The following ZNF331 variants were observed in gnomAD, a reference collection of about 807,000 sequenced individuals.
ZNF331 encodes zinc finger protein 331, also known as C2H2-like zinc finger protein rearranged in thyroid adenomas.
In ZNF331, 2 loss-of-function variants were observed where a neutral mutation model predicts 7.0. The ratio of observed to expected loss-of-function variants is 0.29; its 90% CI spans 0.12 to 0.90. The LOEUF (loss-of-function observed/expected upper bound fraction) is 0.90, where lower values mean the gene tolerates loss of function less well. Among genes scored for constraint, ZNF331 ranks in the 40% least tolerant of loss-of-function variants. The probability of loss-of-function intolerance (pLI) is 0.58; values close to 1 mark genes in which losing one functional copy is unlikely to be tolerated. For missense variants in ZNF331, 432 were observed against 587.7 expected (o/e 0.74, Z 2.74); for synonymous variants, 196 against 205.4 (o/e 0.95, Z 0.39).
At chr19:53,572,361 A>C (rs367588855) in intron 5 of ZNF331, among the ~76,000 whole-genome samples, 1 of 151,784 alleles carries the variant, frequency 6.6e-6, no homozygotes, top group Non-Finnish European at 1.5e-5. Flanking sequence ...GTCTGTGGTG[A>C]CCCTGCCTGT....
intron 5 of ZNF331, among the ~76,000 whole-genome samples, chr19:53,574,271 T>C (rs966454863): frequency 2.0e-5 from 3 of 151,838 alleles, no homozygotes; most frequent in African/African-American, 2.4e-5. Flanking sequence ...AGAGCCTTGA[T>C]GGTTGTGAGG....
chr19:53,532,136 C>T (rs1279010501), intron 2 of ZNF331, among the ~76,000 whole-genome samples: 2 of 152,164 alleles, frequency 1.3e-5, no homozygotes, highest in Non-Finnish European at 2.9e-5. Context: ...TAACATCTCT[C>T]AGCAATTTTC....
chr19:53,506,474 CTCTCTCTG>C, the ZNF331 span, among the ~76,000 whole-genome samples: 3 of 143,728 alleles, frequency 2.1e-5, no homozygotes, highest in Non-Finnish European at 3.0e-5. Flanking sequence ...CTCTCTCTCT[CTCTCTCTG>C]TCTGTCTCTC....
Position 53,571,417 on chromosome 19 carries a change from TCTTCAGTGA to T in ZNF331, c.10-185_10-177del, listed in dbSNP as rs1217501445. Reference sequence around the variant, plus strand: ...GTCATTTTCTCTGCAGCGGTAGAGCTCTTCAGTGACATGCAGGCATTCTGCTTCCGTCAC... The same window carrying T: ...GTCATTTTCTCTGCAGCGGTAGAGCTCATGCAGGCATTCTGCTTCCGTCAC... On this transcript the variant is annotated intron_variant, in intron 4 of 5. Transcript: ENST00000449416. The surrounding 1 kb of genome is among the most constrained non-coding windows in gnomAD (Gnocchi z 4.7). Among the ~76,000 whole-genome samples, 2 of 152,128 alleles carry T rather than the reference TCTTCAGTGA, an allele frequency of 1.3e-5. No individual in the cohort carries two copies. The highest frequency in any genetic ancestry group is 1.3e-4 in the Admixed American group (2 of 15,264).
chr19:53,517,518 G>T (rs760161497), upstream of ZNF331, among the ~76,000 whole-genome samples: 6 of 152,140 alleles, frequency 3.9e-5, no homozygotes, highest in Non-Finnish European at 7.3e-5. Context: ...TGCTGCCAAA[G>T]TTTCTACCCA....
intron 2 of ZNF331, among the ~76,000 whole-genome samples, chr19:53,546,522 G>C (rs982034448): frequency 2.7e-5 from 4 of 149,610 alleles, no homozygotes; most frequent in African/African-American, 7.4e-5. Flanking sequence ...AAGATCTGAT[G>C]GTATAGAAAA....
upstream of ZNF331, among the ~76,000 whole-genome samples, chr19:53,536,664 C>G (rs974863836): frequency 1.3e-5 from 2 of 152,218 alleles, no homozygotes; most frequent in African/African-American, 2.4e-5. Flanking sequence ...CTTTGTGAGG[C>G]CGAGGCAGGC....
Position 53,539,915 on chromosome 19 carries a change from G to A in ZNF331, c.-138+633G>A, listed in dbSNP as rs1418590814. Among the ~76,000 whole-genome samples the A allele has an allele frequency of 1.3e-5, 2 of 152,138 alleles. No homozygotes were observed. Among genetic ancestry groups the A allele is most frequent in the East Asian group, 3.8e-4 (2 of 5,196 alleles). On this transcript the variant is annotated intron_variant, in intron 2 of 5. Transcript: ENST00000449416. The surrounding 1 kb of genome is among the most constrained non-coding windows in gnomAD (Gnocchi z 6.1). ...ATACTCTGCAGCTACAAAGAAGTAA[G>A]TTTAGTTATAACCGTAAGAAAGAAA...
At chr19:53,527,110 AC>A (rs1348867637) in intron 2 of ZNF331, among the ~76,000 whole-genome samples, 2 of 151,560 alleles carry the variant, frequency 1.3e-5, no homozygotes, top group Admixed American at 1.3e-4. Flanking sequence ...AATCACTTGA[AC>A]CCGGGAGTTG....
the ZNF331 span, among the ~76,000 whole-genome samples, chr19:53,509,981 A>C: frequency 1.3e-3 from 197 of 152,308 alleles, 1 homozygote; most frequent in African/African-American, 4.6e-3. Context: ...TCTCGTGAGA[A>C]CGCACTATCA....
intron 3 of ZNF331, among the ~76,000 whole-genome samples, chr19:53,564,546 G>A (rs969144018): frequency 2.0e-5 from 3 of 152,138 alleles, no homozygotes; most frequent in African/African-American, 7.2e-5. Context: ...CTCCCAAAGC[G>A]CTGGGATTAC....
At position 53,576,960 on chromosome 19, in the gene ZNF331, A is replaced by G. The variant is rs765129221; in HGVS notation, c.400A>G (p.Lys134Glu). The change falls in exon 6 of 6, where the codon AAG becomes GAG. Residue 134 changes from lysine (K) to glutamate (E), a missense_variant. Lys to Glu is a moderately conservative substitution (Grantham distance 56). Transcript: ENST00000449416. ...TCATAAGGAGAATTCCTTTGAATGT[A>G]AGGACTGTGGGAAGGCCTTTAGTCG... Reference protein sequence around the residue: ...RHHKENSFECKDCGKAFSRGY... With the variant: ...RHHKENSFECEDCGKAFSRGY... 3.1e-6 allele frequency: 5 copies of G among 1,614,230 alleles called. No homozygotes were observed. The highest frequency in any genetic ancestry group is 4.2e-6 in the Non-Finnish European group (5 of 1,180,048).
In ZNF331 at chr19:53,538,187, C is replaced by G. The variant is rs1475737530; in HGVS notation, c.-314C>G. ...CGAGGCTGACGCGGCGGCCCTGTCCCCGTAACTGTGACACGGGTGCACGCG... is the reference window on the plus strand; with the variant it reads ...CGAGGCTGACGCGGCGGCCCTGTCCGCGTAACTGTGACACGGGTGCACGCG... On this transcript the variant is annotated 5_prime_UTR_variant, in exon 1 of 6. Transcript: ENST00000449416. 6.6e-6 allele frequency: 1 copy of G among 152,206 alleles called. No homozygotes were observed. Among genetic ancestry groups the G allele is most frequent in the Non-Finnish European group, 1.5e-5 (1 of 68,070 alleles). The allele number at this position is 152,206 out of a possible 1,614,324, so 9.4% of individuals were successfully genotyped here.
chr19:53,562,434 C>T (rs1265095609), intron 3 of ZNF331, among the ~76,000 whole-genome samples: 1 of 152,082 alleles, frequency 6.6e-6, no homozygotes, highest in Non-Finnish European at 1.5e-5. Context: ...TTATGCCTGT[C>T]ACCCCAGCAC....
At chr19:53,537,514 A>T (rs1243396184), upstream of ZNF331, 1 of 152,264 alleles carries the variant, frequency 6.6e-6, no homozygotes, top group African/African-American at 2.4e-5. Flanking sequence ...CCCAGTCGGG[A>T]AGGGGCGTCT....
Position 53,571,725 on chromosome 19 carries a change from C to T in ZNF331, c.131C>T (p.Ser44Leu). The T allele has an allele frequency of 1.9e-6, 3 of 1,610,760 alleles. No homozygotes were observed. Among genetic ancestry groups the T allele is most frequent in the African/African-American group, 1.3e-5 (1 of 74,906 alleles). The change falls in exon 5 of 6, where the codon TCA becomes TTA. Residue 44 changes from serine (S) to leucine (L), a missense_variant. By Grantham distance (145) the Ser-to-Leu change is moderately radical (BLOSUM62 -2). This residue lies in a region of ZNF331 where 39 missense variants were observed against 68.8 expected (regional missense o/e 0.57). Coordinates refer to ENST00000449416, the MANE Select transcript of ZNF331 (RefSeq NM_001079906.2). The surrounding 1 kb of genome is among the most constrained non-coding windows in gnomAD (Gnocchi z 4.7). Reference sequence around the variant, plus strand: ...CTGGAGAACTACAGTAACTTGGTCTCACTGGGTGAGTTGCACGCCTCAGAT... The same window carrying T: ...CTGGAGAACTACAGTAACTTGGTCTTACTGGGTGAGTTGCACGCCTCAGAT... ...VMLENYSNLV[S>L]LDLESAYENK...
intron 2 of ZNF331, among the ~76,000 whole-genome samples, chr19:53,531,366 C>G (rs2087533404): frequency 6.6e-6 from 1 of 152,160 alleles, no homozygotes; most frequent in Admixed American, 6.5e-5. Flanking sequence ...TTGACCAAGT[C>G]TCTCTTCTGA....
the ZNF331 span, among the ~76,000 whole-genome samples, chr19:53,506,157 A>T: frequency 1.3e-5 from 2 of 150,530 alleles, no homozygotes; most frequent in Non-Finnish European, 3.0e-5. Context: ...AACATGGGGA[A>T]ACCCTGTCTC....
upstream of ZNF331, among the ~76,000 whole-genome samples, chr19:53,534,797 A>T (rs368013148): frequency 1.3e-5 from 2 of 152,200 alleles, no homozygotes; most frequent in African/African-American, 4.8e-5. Flanking sequence ...TCCATCTGCA[A>T]CCTTCTTTAT....
Sources: gnomAD v4.1 joint callset for allele counts (sites outside exome capture counted in the v4.1 genomes callset) on GRCh38, gnomAD v4.1.1 for gene constraint, gnomAD v4.1.1 regional missense constraint, Gnocchi (gnomAD v3.1) non-coding constraint, MANE v1.5 for transcripts, NCBI Gene and HGNC (gene_info 2026-07-23, HGNC 2026-07-21) for gene names.